Variants in RFX7 observed in about 807,000 individuals in gnomAD.
RFX7 encodes the protein regulatory factor X7.
A neutral mutation model predicts 111.8 loss-of-function variants in RFX7; 26 were observed. The ratio of observed to expected loss-of-function variants is 0.23; its 90% CI spans 0.17 to 0.32. RFX7 has a LOEUF of 0.32. Ranked by LOEUF, RFX7 falls within the 10% of genes least tolerant of loss-of-function variation. The pLI is 1.00. For missense variants in RFX7, 1,573 were observed against 1,772.9 expected (o/e 0.89, Z 2.02); for synonymous variants, 624 against 624.4 (o/e 1.00, Z 0.01).
chr15:56,126,052 T>C (rs577404316), intron 5 of RFX7, among the ~76,000 whole-genome samples: 1 of 152,326 alleles, frequency 6.6e-6, no homozygotes, highest in South Asian at 2.1e-4. Flanking sequence ...TTTTATTTCT[T>C]ATGGTTAAAA....
At position 56,088,020 on chromosome 15, in the gene RFX7, A is replaced by G. The variant is rs756559840; in HGVS notation, c.*5325T>C. 17 of 304,388 alleles carry G rather than the reference A, an allele frequency of 5.6e-5. No individual in the cohort carries two copies. The highest frequency in any genetic ancestry group is 4.6e-4 in the South Asian group (17 of 36,670). The allele number at this position is 304,388 out of a possible 1,614,324, so 18.9% of individuals were successfully genotyped here. ...GGAGAGAAGGGAGGGAAAAGGATTC[A>G]AGTAATTTGGAGGAAAATTACAAAC... On this transcript the variant is annotated 3_prime_UTR_variant, in exon 10 of 10. Coordinates refer to ENST00000559447, the MANE Select transcript of RFX7 (RefSeq NM_022841.7).
chr15:56,213,104 T>TTTGCTA (rs1567048155), intron 2 of RFX7, among the ~76,000 whole-genome samples: 1 of 152,184 alleles, frequency 6.6e-6, no homozygotes, highest in Non-Finnish European at 1.5e-5. Context: ...CTGGAAAAGT[T>TTTGCTA]TTGCTATCCT....
At chr15:56,153,042 A>T (rs1380476439) in intron 3 of RFX7, among the ~76,000 whole-genome samples, 1 of 152,202 alleles carries the variant, frequency 6.6e-6, no homozygotes, top group Non-Finnish European at 1.5e-5. Context: ...GACCAATAAC[A>T]AGCTCTGAAA....
intron 5 of RFX7, among the ~76,000 whole-genome samples, chr15:56,118,119 A>C (rs1366153039): frequency 6.6e-6 from 1 of 152,098 alleles, no homozygotes; most frequent in Non-Finnish European, 1.5e-5. Flanking sequence ...ATAGGCATAC[A>C]ATGTGTAATA....
At chr15:56,140,314 C>T (rs1434628131) in intron 5 of RFX7, among the ~76,000 whole-genome samples, 3 of 152,202 alleles carry the variant, frequency 2.0e-5, no homozygotes, top group African/African-American at 4.8e-5. Context: ...GATATAATCT[C>T]GTGGTGCGCC....
chr15:56,155,533 G>A (rs184624644), intron 3 of RFX7, among the ~76,000 whole-genome samples: 31 of 152,228 alleles, frequency 2.0e-4, no homozygotes, highest in African/African-American at 5.5e-4. Context: ...CAAATACTGC[G>A]TGTTCTCGCT....
chr15:56,239,984 CTTT>C (rs5812831), intron 2 of RFX7, among the ~76,000 whole-genome samples: 5 of 120,918 alleles, frequency 4.1e-5, no homozygotes, highest in Non-Finnish European at 8.6e-5. Flanking sequence ...TTTGGTATTT[CTTT>C]TTTTTTTTTT....
chr15:56,121,361 G>A (rs1179089709), intron 5 of RFX7, among the ~76,000 whole-genome samples: 2 of 152,160 alleles, frequency 1.3e-5, no homozygotes, highest in African/African-American at 4.8e-5. Context: ...AGATGTACTA[G>A]AGGTCCATTG....
At chr15:56,118,073 G>GTATA (rs55681654) in intron 5 of RFX7, among the ~76,000 whole-genome samples, 11 of 150,772 alleles carry the variant, frequency 7.3e-5, no homozygotes, top group East Asian at 3.9e-4. Context: ...TATATATTAG[G>GTATA]TATATATATA....
intron 2 of RFX7, among the ~76,000 whole-genome samples, chr15:56,231,979 C>T (rs537982772): frequency 2.6e-5 from 4 of 152,350 alleles, no homozygotes; most frequent in East Asian, 1.9e-4. Flanking sequence ...CCAGGTCACA[C>T]TGATTCAAGA....
At chr15:56,225,810 A>G (rs887237889) in intron 2 of RFX7, among the ~76,000 whole-genome samples, 23 of 152,196 alleles carry the variant, frequency 1.5e-4, no homozygotes, top group Admixed American at 6.5e-5. Context: ...ATTTTGTAAT[A>G]ATATTTTTAT....
At chr15:56,129,172 T>C (rs1236811288) in intron 5 of RFX7, among the ~76,000 whole-genome samples, 1 of 152,026 alleles carries the variant, frequency 6.6e-6, no homozygotes, top group Non-Finnish European at 1.5e-5. Context: ...GGTCAGGAGT[T>C]TGAGACCAGC....
In RFX7 at chr15:56,150,833, G is replaced by A. The variant is rs747152016; in HGVS notation, c.196-6350C>T. Among the ~76,000 whole-genome samples, 9 of 152,198 alleles carry A rather than the reference G, an allele frequency of 5.9e-5. No homozygotes were observed. The Middle Eastern group carries it at 0.01, about 173-fold the overall frequency. ...TAATAACCTTGAAAAAAGGTTAGTT[G>A]AATTGCTAACTAGAATAACCAAGGT... On this transcript the variant is annotated intron_variant, in intron 3 of 9. Transcript: ENST00000559447.
chr15:56,155,204 G>A (rs558507100), intron 3 of RFX7, among the ~76,000 whole-genome samples: 8 of 152,208 alleles, frequency 5.3e-5, no homozygotes, highest in South Asian at 2.1e-4. Context: ...CAACCATTGC[G>A]GAAGACAGTA....
chr15:56,107,198 G>A (rs2041840582), intron 5 of RFX7, among the ~76,000 whole-genome samples: 1 of 149,436 alleles, frequency 6.7e-6, no homozygotes, highest in Non-Finnish European at 1.5e-5. Flanking sequence ...TCGGGAGGCT[G>A]AGGCAGGAGA....
intron 2 of RFX7, among the ~76,000 whole-genome samples, chr15:56,200,912 C>A (rs1428281929): frequency 6.6e-6 from 1 of 151,430 alleles, no homozygotes; most frequent in African/African-American, 2.4e-5. Flanking sequence ...TAATAGGTGA[C>A]ATGCTATGTA....
intron 8 of RFX7, among the ~76,000 whole-genome samples, chr15:56,100,089 G>C (rs2041732804): frequency 6.6e-6 from 1 of 152,172 alleles, no homozygotes; most frequent in South Asian, 2.1e-4. Flanking sequence ...ATGACATTAT[G>C]ATATAATTGA....
chr15:56,228,588 T>G (rs1181106562), intron 2 of RFX7, among the ~76,000 whole-genome samples: 2 of 152,172 alleles, frequency 1.3e-5, no homozygotes, highest in Non-Finnish European at 2.9e-5. Flanking sequence ...ATTTTTTTCA[T>G]CAGTTCATTT....
At chr15:56,131,107 G>C (rs554817334) in intron 5 of RFX7, among the ~76,000 whole-genome samples, 90 of 145,846 alleles carry the variant, frequency 6.2e-4, no homozygotes, top group African/African-American at 2.2e-3. Flanking sequence ...GACAAAGATA[G>C]CATAAAAAAA....
Sources: allele counts gnomAD v4.1 joint callset (sites outside exome capture counted in the v4.1 genomes callset), GRCh38; gene constraint gnomAD v4.1.1; transcripts MANE v1.5; gene names NCBI Gene and HGNC (gene_info 2026-07-23, HGNC 2026-07-21).